The following FRMD4B variants were observed in gnomAD, a reference collection of about 807,000 sequenced individuals.
FRMD4B encodes FERM domain-containing protein 4B.
A neutral mutation model predicts 141.5 loss-of-function variants in FRMD4B; 74 were observed. The observed-to-expected ratio is 0.52, with a 90% CI of 0.43 to 0.63. The LOEUF (loss-of-function observed/expected upper bound fraction) is 0.63. Ranked by LOEUF, FRMD4B falls within the 30% of genes least tolerant of loss-of-function variation. The pLI, the probability that FRMD4B is intolerant of heterozygous loss-of-function variation, is 0.00. For synonymous variants in FRMD4B, 506 were observed against 467.9 expected, an observed-to-expected ratio of 1.08 and a Z score of -1.05; for missense variants, 1,366 against 1,253.4, an observed-to-expected ratio of 1.09 and a Z score of -1.36.
At chr3:69,383,486 G>A (rs538971880) in intron 1 of FRMD4B, among the ~76,000 whole-genome samples, 83 of 152,206 alleles carry the variant, frequency 5.5e-4, no homozygotes, top group African/African-American at 1.8e-3. Flanking sequence ...TACATAGTTC[G>A]GGGGTACATG....
At chr3:69,211,188 A>G (rs1050740625) in intron 11 of FRMD4B, among the ~76,000 whole-genome samples, 14 of 152,294 alleles carry the variant, frequency 9.2e-5, no homozygotes, top group African/African-American at 1.4e-4. Context: ...ATGGCGTATC[A>G]GCTATGGTGC....
At chr3:69,541,700 C>G (rs1205693394) in intron 1 of FRMD4B, among the ~76,000 whole-genome samples, 1 of 152,210 alleles carries the variant, frequency 6.6e-6, no homozygotes, top group African/African-American at 2.4e-5. Flanking sequence ...CACTGCCTCT[C>G]CAACATAGGA....
chr3:69,228,622 C>T (rs761545080), intron 7 of FRMD4B: 7 of 380,796 alleles, frequency 1.8e-5, no homozygotes, highest in Non-Finnish European at 3.1e-5. Flanking sequence ...ATCTCTTGAG[C>T]CCAGGAGTTG....
chr3:69,181,308 C>A lies in FRMD4B; in HGVS notation c.2442G>T (p.Glu814Asp), dbSNP rs372262060. 2 of 1,613,980 alleles carry A rather than the reference C, an allele frequency of 1.2e-6. No homozygotes were observed. The highest frequency in any genetic ancestry group is 2.2e-5 in the East Asian group (1 of 44,878). Residue 814 changes from glutamate to aspartate, a missense_variant, in exon 21 of 23, where the codon GAG (glutamate) becomes GAT (aspartate). By Grantham distance (45) the Glu-to-Asp change is conservative. Transcript: ENST00000398540. ...YYIAGYTPYA[E>D]CDFYYSGGYV... ...AACCACCACTGTAATAAAAGTCACA[C>A]TCTGCATAGGGTGTGTACCCGGCAA...
chr3:69,306,099 A>G (rs1701383871), intron 3 of FRMD4B, among the ~76,000 whole-genome samples: 1 of 152,230 alleles, frequency 6.6e-6, no homozygotes, highest in Non-Finnish European at 1.5e-5. Flanking sequence ...TAGATTTTAA[A>G]AAATCCACCC....
chr3:69,186,104 A>G (rs2092763452), intron 19 of FRMD4B, among the ~76,000 whole-genome samples: 1 of 152,208 alleles, frequency 6.6e-6, no homozygotes, highest in Non-Finnish European at 1.5e-5. Flanking sequence ...AAATGAAATT[A>G]ACATTACATT....
chr3:69,381,716 C>T (rs1419255162), intron 1 of FRMD4B, among the ~76,000 whole-genome samples: 1 of 152,172 alleles, frequency 6.6e-6, no homozygotes, highest in African/African-American at 2.4e-5. Flanking sequence ...TGGCAAAATA[C>T]ATACAAAGGT....
intron 2 of FRMD4B, among the ~76,000 whole-genome samples, chr3:69,406,830 T>G (rs1464705107): frequency 6.6e-6 from 1 of 152,012 alleles, no homozygotes; most frequent in Admixed American, 6.6e-5. Context: ...ACTTCTGGCT[T>G]AAGCACTCCT....
chr3:69,291,384 T>C (rs1458388764), intron 4 of FRMD4B, among the ~76,000 whole-genome samples: 1 of 152,188 alleles, frequency 6.6e-6, no homozygotes, highest in Non-Finnish European at 1.5e-5. Context: ...TATTTTCCCA[T>C]TGCCTCCAAA....
At chr3:69,391,116 G>A (rs561035371) in intron 2 of FRMD4B, among the ~76,000 whole-genome samples, 53 of 151,852 alleles carry the variant, frequency 3.5e-4, no homozygotes, top group Non-Finnish European at 6.6e-4. Flanking sequence ...CCGGAATGCC[G>A]TTTCCTATGA....
chr3:69,325,126 A>AAAG (rs1453326326), intron 1 of FRMD4B, among the ~76,000 whole-genome samples: 22 of 150,252 alleles, frequency 1.5e-4, no homozygotes, highest in South Asian at 2.1e-4. Flanking sequence ...AGAAAGAAAG[A>AAAG]AAAGAAATTA....
Position 69,181,278 on chromosome 3 carries a change from G to C in FRMD4B, c.2472C>G (p.Val824=). 2 of 1,613,852 alleles carry C rather than the reference G, an allele frequency of 1.2e-6. No homozygotes were observed. Among genetic ancestry groups the C allele is most frequent in the South Asian group, 1.1e-5 (1 of 91,078 alleles). The change falls in exon 21 of 23, where the codon GTC becomes GTG. Residue 824 remains valine, a synonymous_variant. Transcript: ENST00000398540. ...ECDFYYSGGY[V]YENDTEGQYS... is the part of the protein sequence containing the mutation. ...ACTGTCCCTCGGTGTCATTCTCATA[G>C]ACATAACCACCACTGTAATAAAAGT...
At chr3:69,372,367 C>T (rs1703849622) in intron 1 of FRMD4B, among the ~76,000 whole-genome samples, 1 of 152,164 alleles carries the variant, frequency 6.6e-6, no homozygotes, top group African/African-American at 2.4e-5. Flanking sequence ...ATAAAAAGTG[C>T]TTTAATAAAC....
intron 7 of FRMD4B, among the ~76,000 whole-genome samples, chr3:69,247,087 G>A (rs1214831899): frequency 2.0e-5 from 3 of 152,024 alleles, no homozygotes; most frequent in Admixed American, 2.0e-4. Flanking sequence ...AGACCAGATA[G>A]GATGATAGTA....
chr3:69,311,984 G>C (rs1194207555), intron 2 of FRMD4B, among the ~76,000 whole-genome samples: 1 of 152,174 alleles, frequency 6.6e-6, no homozygotes, highest in African/African-American at 2.4e-5. Flanking sequence ...TACATTGTTA[G>C]TAAGGGCAGG....
intron 2 of FRMD4B, among the ~76,000 whole-genome samples, chr3:69,402,517 T>C (rs938846300): frequency 3.3e-5 from 5 of 152,214 alleles, no homozygotes; most frequent in Non-Finnish European, 7.3e-5. Context: ...TTTAATGATA[T>C]ACTTTACACT....
intron 1 of FRMD4B, among the ~76,000 whole-genome samples, chr3:69,335,372 ATTT>A (rs35424718): frequency 1.5e-5 from 2 of 133,828 alleles, no homozygotes; most frequent in Non-Finnish European, 3.1e-5. Flanking sequence ...TCATTATTGC[ATTT>A]TTTTTTTTTT....
At chr3:69,324,873 T>C (rs759186463) in intron 1 of FRMD4B, among the ~76,000 whole-genome samples, 1 of 150,758 alleles carries the variant, frequency 6.6e-6, no homozygotes. Flanking sequence ...CGGGGGGGGA[T>C]TGCTTGAGCC....
intron 5 of FRMD4B, among the ~76,000 whole-genome samples, chr3:69,261,297 A>G (rs985867719): frequency 2.0e-5 from 3 of 152,234 alleles, no homozygotes; most frequent in African/African-American, 7.2e-5. Context: ...CATCTTTAAG[A>G]ACTGTAACAC....
Sources: gnomAD v4.1 joint callset for allele counts (sites outside exome capture counted in the v4.1 genomes callset) on GRCh38, gnomAD v4.1.1 for gene constraint, MANE v1.5 for transcripts, NCBI Gene and HGNC (gene_info 2026-07-23, HGNC 2026-07-21) for gene names.